ANKRD44: variants seen among roughly 807,000 people sequenced by gnomAD.
ANKRD44 encodes the protein serine/threonine-protein phosphatase 6 regulatory ankyrin repeat subunit B.
In ANKRD44, 35 loss-of-function variants were observed where a neutral mutation model predicts 116.0. That is an observed-to-expected ratio of 0.30 (90% CI 0.23 to 0.40). The LOEUF (loss-of-function observed/expected upper bound fraction) is 0.40, where lower values mean the gene tolerates loss of function less well. ANKRD44 is among the 10% of genes least tolerant of loss of function. ANKRD44 has a pLI of 1.00. For synonymous variants in ANKRD44, 435 were observed against 461.8 expected (o/e 0.94, Z 0.74); for missense variants, 1,014 against 1,242.6 (o/e 0.82, Z 2.77).
chr2:197,130,128 G>A (rs1269424543), intron 4 of ANKRD44, among the ~76,000 whole-genome samples: 1 of 152,144 alleles, frequency 6.6e-6, no homozygotes, highest in African/African-American at 2.4e-5. Flanking sequence ...AGTCCTGCAG[G>A]CTTATGCTAT....
At chr2:197,115,823 C>T (rs899462497) in intron 8 of ANKRD44, among the ~76,000 whole-genome samples, 4 of 152,220 alleles carry the variant, frequency 2.6e-5, no homozygotes, top group South Asian at 2.1e-4. Flanking sequence ...TTAGATGATC[C>T]GTGCATCCAG....
At chr2:197,262,774 G>T (rs183363109) in intron 1 of ANKRD44, among the ~76,000 whole-genome samples, 3 of 152,208 alleles carry the variant, frequency 2.0e-5, no homozygotes, top group East Asian at 3.9e-4. Flanking sequence ...GCATGGTGGA[G>T]CACACCTGTA....
chr2:197,014,484 G>A (rs2076352577), intron 17 of ANKRD44, among the ~76,000 whole-genome samples: 1 of 152,052 alleles, frequency 6.6e-6, no homozygotes, highest in African/African-American at 2.4e-5. Context: ...GAGGTCCTAA[G>A]CTATGTTAAG....
At chr2:197,162,300 C>T (rs1432960969) in intron 2 of ANKRD44, among the ~76,000 whole-genome samples, 1 of 152,196 alleles carries the variant, frequency 6.6e-6, no homozygotes, top group African/African-American at 2.4e-5. Context: ...AGGCTTCATT[C>T]CCTGAATGCC....
intron 11 of ANKRD44, 87 bp from the exon 12 acceptor site, chr2:197,088,861 G>GA: frequency 7.0e-7 from 1 of 1,424,368 alleles, no homozygotes; most frequent in Non-Finnish European, 9.5e-7. Flanking sequence ...TGCAGAGACA[G>GA]AAAAATCAGT....
chr2:197,297,976 A>T (rs1313331542), intron 1 of ANKRD44, among the ~76,000 whole-genome samples: 1 of 152,220 alleles, frequency 6.6e-6, no homozygotes, highest in African/African-American at 2.4e-5. Context: ...ACAGCTGGCC[A>T]CTTCTTATGC....
At chr2:197,015,183 T>C in intron 17 of ANKRD44, 1 of 292,682 alleles carries the variant, frequency 3.4e-6, no homozygotes, top group Admixed American at 4.0e-5. Flanking sequence ...CCACATAGCA[T>C]TGATGAGCAT....
At chr2:197,285,258 G>T (rs1574444273) in intron 1 of ANKRD44, among the ~76,000 whole-genome samples, 2 of 152,064 alleles carry the variant, frequency 1.3e-5, no homozygotes, top group Admixed American at 6.5e-5. Context: ...CCAACCCACT[G>T]CAGGAAAGTG....
At chr2:197,076,488 A>G (rs1401589311) in intron 16 of ANKRD44, among the ~76,000 whole-genome samples, 2 of 152,118 alleles carry the variant, frequency 1.3e-5, no homozygotes, top group African/African-American at 2.4e-5. Context: ...TCTTCATTTA[A>G]TACTTGTTTT....
chr2:197,223,930 A>C (rs1688527994), intron 1 of ANKRD44, among the ~76,000 whole-genome samples: 1 of 152,234 alleles, frequency 6.6e-6, no homozygotes, highest in South Asian at 2.1e-4. Context: ...GGATGTGAAT[A>C]ATAAAAAGAC....
intron 1 of ANKRD44, among the ~76,000 whole-genome samples, chr2:197,258,666 C>T (rs891831317): frequency 3.9e-5 from 6 of 152,182 alleles, no homozygotes; most frequent in Admixed American, 2.6e-4. Context: ...AACCACCACA[C>T]GGTTTTTCAT....
intron 10 of ANKRD44, among the ~76,000 whole-genome samples, chr2:197,094,593 G>A (rs1001708142): frequency 4.9e-4 from 74 of 152,314 alleles, no homozygotes; most frequent in African/African-American, 1.6e-3. Context: ...CTTTCTGTGT[G>A]TCTAAATTCT....
At chr2:197,048,336 C>T (rs1411183667) in intron 16 of ANKRD44, among the ~76,000 whole-genome samples, 2 of 152,112 alleles carry the variant, frequency 1.3e-5, no homozygotes, top group Non-Finnish European at 2.9e-5. Flanking sequence ...CTATCCCTCC[C>T]CCTGCCCCCC....
intron 1 of ANKRD44, chr2:197,251,110 A>G (rs1347853795): frequency 1.3e-5 from 2 of 152,358 alleles, no homozygotes; most frequent in Middle Eastern, 3.4e-3. Flanking sequence ...TGCTAAAACC[A>G]TAACAAAGAT....
intron 21 of ANKRD44, among the ~76,000 whole-genome samples, chr2:196,973,206 A>G (rs1192722573): frequency 6.6e-6 from 1 of 152,184 alleles, no homozygotes; most frequent in Non-Finnish European, 1.5e-5. Context: ...TTGAGATTAT[A>G]AAATATACTT....
At chr2:197,263,741 T>C (rs527972879) in intron 1 of ANKRD44, among the ~76,000 whole-genome samples, 2 of 152,300 alleles carry the variant, frequency 1.3e-5, no homozygotes, top group African/African-American at 2.4e-5. Context: ...ACAGGAACAC[T>C]GAAGGGCAAA....
At chr2:197,129,711 A>G (rs2079055877) in intron 4 of ANKRD44, among the ~76,000 whole-genome samples, 1 of 152,224 alleles carries the variant, frequency 6.6e-6, no homozygotes, top group Non-Finnish European at 1.5e-5. Context: ...ACCTTGAAAT[A>G]AGAAGTAGAA....
At chr2:197,029,824 T>G (rs2076670272) in intron 16 of ANKRD44, 2 of 287,184 alleles carry the variant, frequency 7.0e-6, no homozygotes, top group South Asian at 6.6e-5. Context: ...GCCTTCAACT[T>G]TACCTTCAAC....
chr2:197,212,347 A>C lies in ANKRD44; in HGVS notation c.28-25241T>G, dbSNP rs1443158744. On this transcript the variant is annotated intron_variant, in intron 1 of 27. Coordinates refer to ENST00000282272, the MANE Select transcript of ANKRD44 (RefSeq NM_001195144.2). This position sits in a 1 kb window ranked among gnomAD's most constrained non-coding sequence, Gnocchi z 4.8. ...TTCAAAGAAACCACTTGTATCACAC[A>C]GTCCCTATTCGAGAACCCAAAATGC... 6.6e-6 allele frequency among the ~76,000 whole-genome samples: 1 copy of C among 152,222 alleles called. No individual in the cohort carries two copies. Among genetic ancestry groups the C allele is most frequent in the African/African-American group, 2.4e-5 (1 of 41,452 alleles).
Sources: gnomAD v4.1 joint callset for allele counts (sites outside exome capture counted in the v4.1 genomes callset) on GRCh38, gnomAD v4.1.1 for gene constraint, Gnocchi (gnomAD v3.1) non-coding constraint, MANE v1.5 for transcripts, NCBI Gene and HGNC (gene_info 2026-07-23, HGNC 2026-07-21) for gene names.